ERC1: variants seen among roughly 807,000 people sequenced by gnomAD.
ERC1 encodes ELKS/RAB6-interacting/CAST family member 1, also known as RAB6 interacting protein 2.
A neutral mutation model predicts 132.0 loss-of-function variants in ERC1; 56 were observed. The ratio of observed to expected loss-of-function variants is 0.42; its 90% CI spans 0.34 to 0.53. The LOEUF is 0.53. Among genes scored for constraint, ERC1 ranks in the 20% least tolerant of loss-of-function variants. The pLI, the probability that ERC1 is intolerant of heterozygous loss-of-function variation, is 0.03. For synonymous variants in ERC1, 478 were observed against 476.1 expected (o/e 1.00, Z -0.05); for missense variants, 1,202 against 1,349.9 (o/e 0.89, Z 1.72).
At chr12:1,067,047 A>T (rs1262959035) in intron 2 of ERC1, among the ~76,000 whole-genome samples, 3 of 152,226 alleles carry the variant, frequency 2.0e-5, no homozygotes, top group Non-Finnish European at 4.4e-5. Flanking sequence ...GGCTCAAGCA[A>T]TCTGCCTGCC....
At chr12:1,392,107 T>C (rs11061740) in intron 16 of ERC1, among the ~76,000 whole-genome samples, 44,351 of 151,944 alleles carry the variant, frequency 0.29, 6,702 homozygotes, top group Middle Eastern at 0.35. Context: ...GGGCAGAGAT[T>C]GGGCTCAACT....
chr12:1,258,765 C>G (rs146226719), intron 13 of ERC1, among the ~76,000 whole-genome samples: 130 of 152,310 alleles, frequency 8.5e-4, no homozygotes, highest in Non-Finnish European at 1.3e-4. Context: ...AATTTCTTAT[C>G]ATAATTCTGA....
chr12:1,423,660 G>A (rs1183489048), intron 17 of ERC1, among the ~76,000 whole-genome samples: 1 of 152,152 alleles, frequency 6.6e-6, no homozygotes, highest in East Asian at 1.9e-4. Context: ...TCTGTTAATT[G>A]CAGAGAAAGA....
intron 17 of ERC1, among the ~76,000 whole-genome samples, chr12:1,414,790 A>T (rs1265700867): frequency 1.3e-5 from 2 of 151,900 alleles, no homozygotes; most frequent in Non-Finnish European, 2.9e-5. Flanking sequence ...TTACTTATGT[A>T]TTCCCATCAT....
chr12:1,473,685 C>T (rs1012615187), intron 18 of ERC1, among the ~76,000 whole-genome samples: 1 of 151,520 alleles, frequency 6.6e-6, no homozygotes, highest in African/African-American at 2.4e-5. Flanking sequence ...CCCACAGCAG[C>T]CTCACAGCCA....
intron 16 of ERC1, among the ~76,000 whole-genome samples, chr12:1,401,855 GAAAGGAGAATT>G (rs1479423367): frequency 6.6e-6 from 1 of 151,996 alleles, no homozygotes; most frequent in Non-Finnish European, 1.5e-5. Context: ...TAACGTATAT[GAAAGGAGAATT>G]AATGAACTTG....
At chr12:1,140,862 T>G (rs986095025) in intron 7 of ERC1, among the ~76,000 whole-genome samples, 1 of 152,178 alleles carries the variant, frequency 6.6e-6, no homozygotes, top group Admixed American at 6.5e-5. Flanking sequence ...TAGTTTTTTA[T>G]ATGGGTTATA....
chr12:1,256,397 C>A (rs528904297), intron 13 of ERC1, among the ~76,000 whole-genome samples: 2 of 144,998 alleles, frequency 1.4e-5, no homozygotes, highest in Non-Finnish European at 3.0e-5. Flanking sequence ...CCAATAGACT[C>A]TGAGTATTTC....
At chr12:1,228,177 A>G (rs929216071) in intron 12 of ERC1, among the ~76,000 whole-genome samples, 4 of 152,214 alleles carry the variant, frequency 2.6e-5, no homozygotes, top group Non-Finnish European at 4.4e-5. Flanking sequence ...TTGTGAAACA[A>G]TGCCATTGGT....
intron 7 of ERC1, among the ~76,000 whole-genome samples, chr12:1,135,068 C>G (rs1183460695): frequency 2.0e-5 from 3 of 152,124 alleles, no homozygotes; most frequent in Non-Finnish European, 4.4e-5. Context: ...AGTCCTGAGA[C>G]CAAAGGGTCT....
At chr12:1,328,248 G>T (rs146272135) in intron 15 of ERC1, among the ~76,000 whole-genome samples, 186 of 152,172 alleles carry the variant, frequency 1.2e-3, no homozygotes, top group African/African-American at 4.3e-3. Context: ...CCAGGCTCAA[G>T]GAATCCTCCT....
chr12:1,014,249 C>T (rs543221742), intron 1 of ERC1, among the ~76,000 whole-genome samples: 1 of 152,100 alleles, frequency 6.6e-6, no homozygotes, highest in South Asian at 2.1e-4. Flanking sequence ...GTTCTTGGCT[C>T]ACTGTAGCCT....
chr12:1,096,877 T>C (rs1194617189), intron 3 of ERC1, among the ~76,000 whole-genome samples: 1 of 152,204 alleles, frequency 6.6e-6, no homozygotes, highest in Non-Finnish European at 1.5e-5. Context: ...CTCCCTTCCC[T>C]CTAAAAGTAA....
Position 991,247 on chromosome 12 carries a change from C to CGGCGGCGGCGGCGGCGGTAGT in ERC1, c.-218_-217insCGGTAGTGGCGGCGGCGGCGG, listed in dbSNP as rs1555186025. 3.2e-5 allele frequency: 5 copies of CGGCGGCGGCGGCGGCGGTAGT among 158,302 alleles called. No individual in the cohort carries two copies. The highest frequency in any genetic ancestry group is 3.9e-5 in the Non-Finnish European group (3 of 76,392). 9.8% of individuals were successfully genotyped at this position (158,302 alleles called of 1,614,324 possible). A position where few individuals can be genotyped will look rare whatever the true frequency, so the allele number is the denominator to read the frequency against. On this transcript the variant is annotated 5_prime_UTR_variant, in exon 1 of 19. Coordinates refer to ENST00000360905, the MANE Select transcript of ERC1 (RefSeq NM_178040.4). ...CGCGGGCGCCTGGGCCGTGCTGTGG[C>CGGCGGCGGCGGCGGCGGTAGT]GGCGGCGGCGGCGGTAGTGGCGGCG...
chr12:1,433,117 A>C (rs1464888853), intron 17 of ERC1, among the ~76,000 whole-genome samples: 1 of 152,220 alleles, frequency 6.6e-6, no homozygotes, highest in African/African-American at 2.4e-5. Context: ...TGCCAAAGAA[A>C]TGTTTAGGTA....
intron 15 of ERC1, among the ~76,000 whole-genome samples, chr12:1,293,552 C>T (rs1245931764): frequency 1.5e-5 from 2 of 132,782 alleles, no homozygotes; most frequent in Non-Finnish European, 3.4e-5. Context: ...TCACTTGAAC[C>T]CAGGAGGCGG....
At chr12:1,480,709 G>A (rs1212755954) in intron 18 of ERC1, 11 of 629,040 alleles carry the variant, frequency 1.7e-5, no homozygotes, top group Non-Finnish European at 2.6e-5. Context: ...CCTTGAGGAG[G>A]TGAGGAAGAT....
At chr12:1,144,882 G>A (rs1202610687) in intron 8 of ERC1, among the ~76,000 whole-genome samples, 2 of 152,128 alleles carry the variant, frequency 1.3e-5, no homozygotes, top group Non-Finnish European at 2.9e-5. Flanking sequence ...TTCCACAGTG[G>A]TTGTGCTAGT....
chr12:1,006,791 A>C (rs962909374), intron 1 of ERC1, among the ~76,000 whole-genome samples: 14 of 152,096 alleles, frequency 9.2e-5, no homozygotes, highest in African/African-American at 3.1e-4. Context: ...CGAAAGCCCT[A>C]GGAAACAATT....
Sources: allele counts gnomAD v4.1 joint callset (sites outside exome capture counted in the v4.1 genomes callset), GRCh38; gene constraint gnomAD v4.1.1; transcripts MANE v1.5; gene names NCBI Gene and HGNC (gene_info 2026-07-23, HGNC 2026-07-21).